ROBO1: variants seen among roughly 807,000 people sequenced by gnomAD.
ROBO1 encodes the protein roundabout guidance receptor 1.
Under a neutral mutation model 195.9 loss-of-function variants are expected in ROBO1, and 149 were observed. That is an observed-to-expected ratio of 0.76 (90% confidence interval 0.67 to 0.87). ROBO1 has a LOEUF of 0.87. Among genes scored for constraint, ROBO1 ranks in the 40% least tolerant of loss-of-function variants. The pLI is 0.00. For synonymous variants in ROBO1, 816 were observed against 733.2 expected (o/e 1.11, Z -1.82); for missense variants, 1,933 against 2,068.3 (o/e 0.93, Z 1.27).
At chr3:79,266,200 T>C (rs886891851) in intron 2 of ROBO1, among the ~76,000 whole-genome samples, 4 of 151,726 alleles carry the variant, frequency 2.6e-5, no homozygotes, top group Admixed American at 6.6e-5. Flanking sequence ...AGATGATGAA[T>C]GATTTAAGTT....
chr3:78,712,370 T>A (rs2081783753), intron 8 of ROBO1, among the ~76,000 whole-genome samples: 1 of 152,306 alleles, frequency 6.6e-6, no homozygotes, highest in South Asian at 2.1e-4. Context: ...TGCTACCAAA[T>A]GGCTTCAATT....
At chr3:79,048,936 G>A (rs1212370908) in intron 3 of ROBO1, among the ~76,000 whole-genome samples, 2 of 152,212 alleles carry the variant, frequency 1.3e-5, no homozygotes, top group East Asian at 1.9e-4. Context: ...CCACAAAGAT[G>A]GGAGAAACCA....
chr3:79,178,997 T>C (rs952968761), intron 2 of ROBO1, among the ~76,000 whole-genome samples: 4 of 152,162 alleles, frequency 2.6e-5, no homozygotes, highest in Admixed American at 2.6e-4. Flanking sequence ...TTGCACAGAC[T>C]AATTACCATA....
At chr3:79,717,783 A>G (rs538973151) in intron 1 of ROBO1, among the ~76,000 whole-genome samples, 10 of 152,138 alleles carry the variant, frequency 6.6e-5, no homozygotes, top group Non-Finnish European at 1.0e-4. Flanking sequence ...AAGCAAAAAT[A>G]GTTACACTAG....
intron 2 of ROBO1, among the ~76,000 whole-genome samples, chr3:79,326,958 A>T (rs1463361574): frequency 6.6e-6 from 1 of 152,148 alleles, no homozygotes; most frequent in East Asian, 1.9e-4. Context: ...TACTATATTT[A>T]TAGGAAGTTA....
chr3:79,391,328 T>A (rs1273079905), intron 2 of ROBO1, among the ~76,000 whole-genome samples: 5 of 151,818 alleles, frequency 3.3e-5, no homozygotes, highest in Non-Finnish European at 7.4e-5. Flanking sequence ...AACGAAAACA[T>A]AATACAAATT....
intron 2 of ROBO1, among the ~76,000 whole-genome samples, chr3:79,166,639 C>T (rs1488700609): frequency 6.7e-6 from 1 of 149,842 alleles, no homozygotes; most frequent in Non-Finnish European, 1.5e-5. Flanking sequence ...AATCTCGGCT[C>T]ACTGCAAGCT....
At chr3:78,708,310 G>C (rs2081600672) in intron 8 of ROBO1, among the ~76,000 whole-genome samples, 1 of 151,932 alleles carries the variant, frequency 6.6e-6, no homozygotes. Flanking sequence ...AATTTAAAAA[G>C]CCACCAAGAT....
At chr3:79,317,357 T>C (rs2033781109) in intron 2 of ROBO1, among the ~76,000 whole-genome samples, 1 of 151,936 alleles carries the variant, frequency 6.6e-6, no homozygotes, top group South Asian at 2.1e-4. Flanking sequence ...GTTTTAGTAA[T>C]TATCTCATGG....
intron 2 of ROBO1, among the ~76,000 whole-genome samples, chr3:79,350,150 A>G (rs1490222750): frequency 6.6e-6 from 1 of 152,242 alleles, no homozygotes; most frequent in African/African-American, 2.4e-5. Context: ...ATTTCTCCAG[A>G]GAGGATATAT....
chr3:79,019,845 TC>T (rs1476289398), intron 3 of ROBO1, among the ~76,000 whole-genome samples: 2 of 151,500 alleles, frequency 1.3e-5, no homozygotes, highest in East Asian at 3.9e-4. Context: ...CTCTCACTTC[TC>T]CCCATTCCCA....
intron 2 of ROBO1, among the ~76,000 whole-genome samples, chr3:79,306,653 A>C (rs530728364): frequency 2.0e-5 from 3 of 152,360 alleles, no homozygotes; most frequent in African/African-American, 7.2e-5. Flanking sequence ...TTTTGTTTCC[A>C]GGACAATAAC....
intron 5 of ROBO1, among the ~76,000 whole-genome samples, chr3:78,723,832 G>A (rs2082099376): frequency 1.3e-5 from 2 of 152,234 alleles, no homozygotes; most frequent in South Asian, 2.1e-4. Flanking sequence ...AAAGACAAAA[G>A]GAAGGAAGGG....
intron 2 of ROBO1, among the ~76,000 whole-genome samples, chr3:79,159,039 T>C (rs1050806541): frequency 6.6e-6 from 1 of 151,960 alleles, no homozygotes; most frequent in Non-Finnish European, 1.5e-5. Context: ...GAAGAAATAA[T>C]ATCCCCCATA....
At position 78,879,644 on chromosome 3, in the gene ROBO1, A is replaced by G. The variant is rs558839827; in HGVS notation, c.499+58957T>C. Reference sequence around the variant, plus strand: ...ACATGCCCCTTTGACCATTTCAGGGAAAAAAAAAAAGAACAATAAAAACGT... The same window carrying G: ...ACATGCCCCTTTGACCATTTCAGGGGAAAAAAAAAAGAACAATAAAAACGT... On this transcript the variant is annotated intron_variant, in intron 4 of 30. Coordinates refer to ENST00000464233, the MANE Select transcript of ROBO1 (RefSeq NM_002941.4). Among the ~76,000 whole-genome samples, 473 of 142,750 alleles carry G rather than the reference A, an allele frequency of 3.3e-3. 6 individuals are homozygous for G. The highest frequency in any genetic ancestry group is 0.026 in the South Asian group (121 of 4,604). The allele number at this position is 142,750 out of a possible 152,430, so 93.6% of individuals were successfully genotyped here. A position where few individuals can be genotyped will look rare whatever the true frequency, so the allele number is the denominator to read the frequency against.
chr3:78,614,545 T>A (rs542145707), intron 28 of ROBO1, 103 bp downstream of exon 28: 1 of 1,268,850 alleles, frequency 7.9e-7, no homozygotes, highest in South Asian at 1.8e-5. Flanking sequence ...TTAATAAATT[T>A]TTAATGTAAT....
chr3:78,784,659 T>C (rs1033835666), intron 4 of ROBO1, among the ~76,000 whole-genome samples: 2 of 152,170 alleles, frequency 1.3e-5, no homozygotes, highest in African/African-American at 4.8e-5. Context: ...TGGAATAAAA[T>C]AAATGTATAT....
chr3:79,577,837 G>A (rs367763307), intron 2 of ROBO1, among the ~76,000 whole-genome samples: 30 of 151,940 alleles, frequency 2.0e-4, no homozygotes, highest in Non-Finnish European at 4.0e-4. Context: ...GCTTGAACTC[G>A]GGAGGCAGAG....
intron 2 of ROBO1, among the ~76,000 whole-genome samples, chr3:79,333,063 G>A (rs888814491): frequency 6.6e-6 from 1 of 151,846 alleles, no homozygotes. Context: ...ATTAGCCAGG[G>A]GGGGTAGCAT....
Sources: allele counts gnomAD v4.1 joint callset (sites outside exome capture counted in the v4.1 genomes callset), GRCh38; gene constraint gnomAD v4.1.1; transcripts MANE v1.5; gene names NCBI Gene and HGNC (gene_info 2026-07-23, HGNC 2026-07-21).